Variants in KIF24 observed in about 807,000 individuals in gnomAD.
KIF24 encodes kinesin-like protein KIF24.
In KIF24, 81 loss-of-function variants were observed where a neutral mutation model predicts 118.9. That is an observed-to-expected ratio of 0.68 (90% CI 0.57 to 0.82). The LOEUF (loss-of-function observed/expected upper bound fraction) is 0.82. Among genes scored for constraint, KIF24 ranks in the 40% least tolerant of loss-of-function variants. KIF24 has a pLI of 0.00. For synonymous variants in KIF24, 599 were observed against 610.0 expected (o/e 0.98, Z 0.27); for missense variants, 1,560 against 1,661.6 (o/e 0.94, Z 1.06).
At chr9:34,291,159 A>C (rs1259120012) in intron 4 of KIF24, among the ~76,000 whole-genome samples, 2 of 152,232 alleles carry the variant, frequency 1.3e-5, no homozygotes, top group African/African-American at 2.4e-5. Flanking sequence ...CTCATAATTA[A>C]GGAAGTTTAG....
rs75535912 is a variant in KIF24 at position 34,275,983 on chromosome 9, T to G, written c.1216-4053A>C. Among the ~76,000 whole-genome samples, 1,317 of 152,348 alleles carry G rather than the reference T, an allele frequency of 8.6e-3. 18 individuals are homozygous for G. Among genetic ancestry groups the G allele is most frequent in the African/African-American group, 0.03 (1,240 of 41,580 alleles). ...GAGGAACAAACTCAGGTTGATTTAT[T>G]CATAGTCAAACATCTGCTGTGTGGC... On this transcript the variant is annotated intron_variant, in intron 6 of 12. Coordinates refer to ENST00000402558, the MANE Select transcript of KIF24 (RefSeq NM_194313.4).
Position 34,311,791 on chromosome 9 carries a change from C to CATATATAT in KIF24, c.-25-421_-25-420insATATATAT, listed in dbSNP as rs1563961707. Among the ~76,000 whole-genome samples the CATATATAT allele has an allele frequency of 1.1e-4, 15 of 137,524 alleles. No individual in the cohort carries two copies. In the South Asian group the frequency reaches 2.3e-3, roughly 21 times the overall value. The allele number at this position is 137,524 out of a possible 152,430, so 90.2% of individuals were successfully genotyped here. The stretch of plus-strand genomic sequence containing the variant: ...ACATATATATACACATATATATACA[C>CATATATAT]ACACATATATATATACACATAGATA... On this transcript the variant is annotated intron_variant, in intron 1 of 12. Coordinates refer to ENST00000402558, the MANE Select transcript of KIF24 (RefSeq NM_194313.4).
chr9:34,255,800 G>A lies in KIF24; in HGVS notation c.3807C>T (p.Pro1269=). 1 of 1,613,922 alleles carries A rather than the reference G, an allele frequency of 6.2e-7. No homozygotes were observed. ...TCTTGGGAGAGCAGCTGGGAACCAAGGGAGAACTTGGCCTTGCTAAGCACC... is the reference window on the plus strand; with the variant it reads ...TCTTGGGAGAGCAGCTGGGAACCAAAGGAGAACTTGGCCTTGCTAAGCACC... ...ISRCLARPSS[P]LVPSCSPKTA... is the part of the protein sequence containing the mutation. Residue 1269 remains proline, a synonymous_variant, in exon 11 of 13, where the codon CCC becomes CCT. Coordinates refer to ENST00000402558, the MANE Select transcript of KIF24 (RefSeq NM_194313.4).
rs1360517814 is a variant in KIF24, at chr9:34,256,763, A to G, written c.2844T>C (p.Tyr948=). ...KPYCSQVDFI[Y]RQERGGGSSF... ...AAGAGCCTCCACCTCTTTCCTGTCT[A>G]TATATGAAATCTACCTGTGAACAGT... Residue 948 remains tyrosine, a synonymous_variant, in exon 11 of 13, where the codon TAT becomes TAC. Transcript: ENST00000402558. 4 of 1,613,972 alleles carry G rather than the reference A, an allele frequency of 2.5e-6. No homozygotes were observed. In the South Asian group the frequency reaches 3.3e-5, roughly 13 times the overall value.
intron 10 of KIF24, among the ~76,000 whole-genome samples, chr9:34,258,337 T>G (rs1834935233): frequency 6.6e-6 from 1 of 152,122 alleles, no homozygotes; most frequent in Non-Finnish European, 1.5e-5. Context: ...GACATGGTGA[T>G]GCGTGTCTGT....
chr9:34,291,791 C>CA (rs71506178), intron 4 of KIF24, among the ~76,000 whole-genome samples: 6,819 of 140,386 alleles, frequency 0.049, 182 homozygotes, highest in Middle Eastern at 0.08. Flanking sequence ...CTGCTTGCAG[C>CA]AAAAAAAAAA....
At position 34,271,867 on chromosome 9, in the gene KIF24, G is replaced by C. The variant is rs778317293; in HGVS notation, c.1279C>G (p.Arg427Gly). The C allele has an allele frequency of 2.5e-6, 4 of 1,610,724 alleles. No homozygotes were observed. The highest frequency in any genetic ancestry group is 1.3e-5 in the African/African-American group (1 of 74,882). The change falls in exon 7 of 13, where the codon CGC becomes GGC. Residue 427 changes from arginine (R) to glycine (G), a missense_variant. Coordinates refer to ENST00000402558, the MANE Select transcript of KIF24 (RefSeq NM_194313.4). ...TGAATTTGGATGACGGCATGGGAGCGGGAGGAGTCTGCATTAACTCCAGTG... is the reference window on the plus strand; with the variant it reads ...TGAATTTGGATGACGGCATGGGAGCCGGAGGAGTCTGCATTAACTCCAGTG... ...GATGVNADSS[R>G]SHAVIQIQIK...
rs201157574 is a variant in KIF24, at chr9:34,254,410, G to C, written c.4077C>G (p.Thr1359=). 3 of 1,613,718 alleles carry C rather than the reference G, an allele frequency of 1.9e-6. No individual in the cohort carries two copies. Among genetic ancestry groups the C allele is most frequent in the Middle Eastern group, 3.3e-4 (2 of 6,002 alleles). The change falls in exon 13 of 13, where the codon ACC becomes ACG. Residue 1359 remains threonine, a synonymous_variant. Coordinates refer to ENST00000402558, the MANE Select transcript of KIF24 (RefSeq NM_194313.4). The part of the protein sequence containing the change: ...LQLYLTCHGP[T]AAPEGTVPS The stretch of plus-strand genomic sequence containing the variant: ...ACGGCACTGTTCCCTCAGGGGCTGC[G>C]GTGGGCCCGTGGCAGGTGAGATAGA...
Position 34,310,924 on chromosome 9 carries a change from T to C in KIF24, c.423A>G (p.Leu141=), listed in dbSNP as rs1837113277. The C allele has an allele frequency of 1.2e-6, 2 of 1,613,600 alleles. No individual in the cohort carries two copies. Among genetic ancestry groups the C allele is most frequent in the Non-Finnish European group, 1.7e-6 (2 of 1,179,614 alleles). Residue 141 remains leucine, a synonymous_variant, in exon 2 of 13, where the codon CTA becomes CTG. Coordinates refer to ENST00000402558, the MANE Select transcript of KIF24 (RefSeq NM_194313.4). ...STYLKVLEHM[L]PDDSQYHTKT... ...TTGTATGGTACTGGGAATCATCTGG[T>C]AGCATGTGTTCTAGCACTTTTAGGT...
rs909584761 is a variant in KIF24 at position 34,252,477 on chromosome 9, CTA to C, written c.*1901_*1902del. The C allele has an allele frequency of 4.5e-5, 6 of 132,350 alleles. No homozygotes were observed. Among genetic ancestry groups the C allele is most frequent in the African/African-American group, 8.2e-5 (3 of 36,768 alleles). The allele number at this position is 132,350 out of a possible 1,614,324, so 8.2% of individuals were successfully genotyped here. On this transcript the variant is annotated 3_prime_UTR_variant, in exon 13 of 13. Transcript: ENST00000402558. The stretch of plus-strand genomic sequence containing the variant: ...GAATCTAAAATAATTTGCTAACTAA[CTA>C]TTTTGATTCTTCAGAGAGAACTACT...
At chr9:34,298,403 A>G (rs957794829) in intron 3 of KIF24, among the ~76,000 whole-genome samples, 2 of 151,930 alleles carry the variant, frequency 1.3e-5, no homozygotes, top group African/African-American at 4.8e-5. Context: ...AAAATTAGCC[A>G]GGCGTGGTGG....
chr9:34,282,880 C>T (rs1337974841), intron 6 of KIF24, among the ~76,000 whole-genome samples: 4 of 151,432 alleles, frequency 2.6e-5, no homozygotes, highest in Admixed American at 6.6e-5. Context: ...GGTGAAACCC[C>T]GTCTCTACTA....
chr9:34,276,041 C>G (rs971419793), intron 6 of KIF24, among the ~76,000 whole-genome samples: 1 of 152,146 alleles, frequency 6.6e-6, no homozygotes, highest in Non-Finnish European at 1.5e-5. Context: ...ACATCTGACT[C>G]CAAAGTCCAT....
At chr9:34,271,181 A>G (rs962723423) in intron 7 of KIF24, among the ~76,000 whole-genome samples, 12 of 152,226 alleles carry the variant, frequency 7.9e-5, no homozygotes, top group African/African-American at 2.6e-4. Flanking sequence ...CCACTCAAAC[A>G]TGTCTATTGG....
chr9:34,263,502 G>C (rs1406463416), intron 8 of KIF24, among the ~76,000 whole-genome samples: 1 of 152,108 alleles, frequency 6.6e-6, no homozygotes, highest in Non-Finnish European at 1.5e-5. Context: ...GTTCTGGCTT[G>C]CTGGCTCCCT....
At chr9:34,262,713 T>TATATATATATAC (rs1835139787) in intron 9 of KIF24, among the ~76,000 whole-genome samples, 1 of 49,988 alleles carries the variant, frequency 2.0e-5, no homozygotes, top group Non-Finnish European at 3.5e-5. Context: ...TATATATATA[T>TATATATATATAC]GGCCAGGCAT....
At chr9:34,270,484 C>A (rs1433536749) in intron 7 of KIF24, among the ~76,000 whole-genome samples, 1 of 150,162 alleles carries the variant, frequency 6.7e-6, no homozygotes, top group Non-Finnish European at 1.5e-5. Context: ...CTACTGCACT[C>A]CAGCCTGGGC....
intron 4 of KIF24, among the ~76,000 whole-genome samples, chr9:34,290,730 G>A (rs1836226723): frequency 6.6e-6 from 1 of 151,910 alleles, no homozygotes; most frequent in Non-Finnish European, 1.5e-5. Context: ...TTCCTGAGTA[G>A]CTGGAAGTAC....
upstream of KIF24, among the ~76,000 whole-genome samples, chr9:34,330,422 A>C (rs61185327): frequency 1.6e-4 from 24 of 152,128 alleles, no homozygotes; most frequent in East Asian, 4.5e-3. Flanking sequence ...AAACAAAACA[A>C]AAAAAAACTG....
Sources: gnomAD v4.1 joint callset for allele counts (sites outside exome capture counted in the v4.1 genomes callset) on GRCh38, gnomAD v4.1.1 for gene constraint, MANE v1.5 for transcripts, NCBI Gene and HGNC (gene_info 2026-07-23, HGNC 2026-07-21) for gene names.